The following CAPS2 variants were observed in gnomAD, a reference collection of about 807,000 sequenced individuals.
CAPS2 encodes the protein calcyphosine 2.
A neutral mutation model predicts 86.5 loss-of-function variants in CAPS2; 98 were observed. The observed-to-expected ratio is 1.13, with a 90% CI of 0.96 to 1.34. The LOEUF (loss-of-function observed/expected upper bound fraction) is 1.34. Ranked by LOEUF, CAPS2 falls within the 40% of genes most tolerant of loss-of-function variation. The probability of loss-of-function intolerance (pLI) is 0.00; values close to 1 mark genes in which losing one functional copy is unlikely to be tolerated. For synonymous variants in CAPS2, 210 were observed against 225.1 expected (o/e 0.93, Z 0.60); for missense variants, 729 against 686.8 (o/e 1.06, Z -0.69).
intron 1 of CAPS2, among the ~76,000 whole-genome samples, chr12:75,381,340 C>A (rs997140271): frequency 2.0e-5 from 3 of 152,146 alleles, no homozygotes; most frequent in African/African-American, 7.2e-5. Flanking sequence ...AAACCTCTTT[C>A]TTTTGTAAAT....
intron 11 of CAPS2, chr12:75,298,423 T>G (rs1052953389): frequency 1.9e-4 from 81 of 430,974 alleles, no homozygotes; most frequent in Middle Eastern, 6.5e-4. Context: ...AGATACAACT[T>G]CATCTGGAGA....
At chr12:75,303,879 G>A (rs2038121270) in intron 8 of CAPS2, among the ~76,000 whole-genome samples, 1 of 152,164 alleles carries the variant, frequency 6.6e-6, no homozygotes, top group Admixed American at 6.5e-5. Context: ...TGCAGCATAA[G>A]ACCAGCTATT....
chr12:75,367,507 A>G (rs2044056796), intron 1 of CAPS2, among the ~76,000 whole-genome samples: 1 of 150,812 alleles, frequency 6.6e-6, no homozygotes, highest in African/African-American at 2.4e-5. Context: ...ACCACCTTCC[A>G]TCTCCACGTC....
intron 11 of CAPS2, among the ~76,000 whole-genome samples, chr12:75,297,178 T>C (rs371502015): frequency 2.1e-3 from 322 of 152,218 alleles, no homozygotes; most frequent in East Asian, 6.0e-3. Context: ...ATGAGGATAG[T>C]GAGAATAAAT....
intron 1 of CAPS2, among the ~76,000 whole-genome samples, chr12:75,345,871 C>T (rs370942124): frequency 5.1e-4 from 77 of 152,280 alleles, no homozygotes; most frequent in South Asian, 5.0e-3. Context: ...CTTCTCCCTT[C>T]GTATTACTAA....
chr12:75,351,773 C>G (rs2042831471), intron 1 of CAPS2, among the ~76,000 whole-genome samples: 1 of 152,160 alleles, frequency 6.6e-6, no homozygotes. Context: ...TCTCGAACTC[C>G]TGACCTCAGG....
At chr12:75,344,843 T>C (rs1316068293) in intron 1 of CAPS2, among the ~76,000 whole-genome samples, 1 of 152,096 alleles carries the variant, frequency 6.6e-6, no homozygotes, top group African/African-American at 2.4e-5. Context: ...TAGCGTTTAG[T>C]CCAGAGCTGA....
intron 5 of CAPS2, among the ~76,000 whole-genome samples, chr12:75,320,249 G>T (rs1174575465): frequency 6.6e-6 from 1 of 151,988 alleles, no homozygotes; most frequent in Non-Finnish European, 1.5e-5. Context: ...ATTTGAATTT[G>T]CATTCAAGGA....
chr12:75,373,918 G>T (rs552498808), intron 1 of CAPS2: 1 of 152,238 alleles, frequency 6.6e-6, no homozygotes, highest in Non-Finnish European at 1.5e-5. Context: ...CAACTTTATG[G>T]CTAGATGGGT....
upstream of CAPS2, among the ~76,000 whole-genome samples, chr12:75,332,086 C>T (rs550298224): frequency 2.0e-5 from 3 of 152,134 alleles, no homozygotes; most frequent in African/African-American, 7.2e-5. Context: ...ACAATTCAGA[C>T]ATTTTATTAA....
At chr12:75,291,788 A>C (rs1012586089) in exon 13 of CAPS2, 1 of 1,562,946 alleles carries the variant, frequency 6.4e-7, no homozygotes, top group Non-Finnish European at 8.7e-7. Context: ...TTCTTGAATG[A>C]TTATATCATC....
At chr12:75,289,725 A>T in exon 14 of CAPS2, 1 of 1,612,728 alleles carries the variant, frequency 6.2e-7, no homozygotes, top group Non-Finnish European at 8.5e-7. Context: ...TATTTTCCCA[A>T]TCCAGTCAAA....
intron 8 of CAPS2, among the ~76,000 whole-genome samples, chr12:75,300,383 A>G (rs2037620662): frequency 6.6e-6 from 1 of 151,670 alleles, no homozygotes; most frequent in Admixed American, 6.6e-5. Flanking sequence ...GTGAAACCCC[A>G]TCTCTACTAA....
chr12:75,349,027 C>T (rs1263091908), intron 1 of CAPS2, among the ~76,000 whole-genome samples: 1 of 152,172 alleles, frequency 6.6e-6, no homozygotes, highest in Non-Finnish European at 1.5e-5. Context: ...AATACCAATA[C>T]AGCTAGAGTT....
chr12:75,328,964 C>T (rs2041045983), upstream of CAPS2, among the ~76,000 whole-genome samples: 1 of 152,126 alleles, frequency 6.6e-6, no homozygotes, highest in Admixed American at 6.5e-5. Context: ...CAACTGACAC[C>T]CTATGTAGAT....
chr12:75,379,206 C>A (rs1330563980), intron 1 of CAPS2, among the ~76,000 whole-genome samples: 4 of 152,100 alleles, frequency 2.6e-5, no homozygotes, highest in Non-Finnish European at 5.9e-5. Flanking sequence ...GAATTATATT[C>A]CCTGATGAAG....
chr12:75,341,539 CG>C (rs964428559), intron 1 of CAPS2, among the ~76,000 whole-genome samples: 46 of 150,562 alleles, frequency 3.1e-4, no homozygotes, highest in Admixed American at 8.6e-4. Context: ...CTCCGCCTCC[CG>C]GGTTCACGCC....
chr12:75,316,757 G>A (rs1056952770), intron 5 of CAPS2, among the ~76,000 whole-genome samples: 1 of 152,034 alleles, frequency 6.6e-6, no homozygotes, highest in African/African-American at 2.4e-5. Context: ...TTAAATAAAA[G>A]TTAGCAGCTA....
At chr12:75,307,625 T>C (rs1408813222) in intron 7 of CAPS2, among the ~76,000 whole-genome samples, 1 of 152,228 alleles carries the variant, frequency 6.6e-6, no homozygotes, top group Non-Finnish European at 1.5e-5. Context: ...ACTGACTTGA[T>C]CTTTACAAAT....
Sources: allele counts gnomAD v4.1 joint callset (sites outside exome capture counted in the v4.1 genomes callset), GRCh38; gene constraint gnomAD v4.1.1; transcripts MANE v1.5; gene names NCBI Gene and HGNC (gene_info 2026-07-23, HGNC 2026-07-21).